ATF6B: variants seen among roughly 807,000 people sequenced by gnomAD.
ATF6B encodes cyclic AMP-dependent transcription factor ATF-6 beta.
In ATF6B, 50 loss-of-function variants were observed where a neutral mutation model predicts 83.5. That is an observed-to-expected ratio of 0.60 (90% CI 0.48 to 0.76). The LOEUF is 0.76. ATF6B is among the 30% of genes least tolerant of loss of function. ATF6B has a pLI of 0.00. For missense variants in ATF6B, 790 were observed against 893.8 expected (o/e 0.88, Z 1.48); for synonymous variants, 344 against 362.8 (o/e 0.95, Z 0.59).
Position 32,115,766 on chromosome 6 carries a change from G to T in ATF6B, c.2085C>A (p.His695Gln). Reference sequence around the variant, plus strand: ...AGGGATGATTGAGGTAGAGGGGCTGGTGGGAGGCCTGGTGGGCCTGGCTGG... The same window carrying T: ...AGGGATGATTGAGGTAGAGGGGCTGTTGGGAGGCCTGGTGGGCCTGGCTGG... ...SAASQAHQAS[H>Q]QPLYLNHP The change falls in exon 18 of 18, where the codon CAC becomes CAA. Residue 695 changes from histidine (H) to glutamine (Q), a missense_variant. Physicochemically the swap from His to Gln is conservative, Grantham distance 24 (BLOSUM62 0). Coordinates refer to ENST00000375203, the MANE Select transcript of ATF6B (RefSeq NM_004381.5). The T allele has an allele frequency of 6.2e-7, 1 of 1,609,056 alleles. No homozygotes were observed. The highest frequency in any genetic ancestry group is 8.5e-7 in the Non-Finnish European group (1 of 1,177,374).
chr6:32,124,908 C>T (rs945121382), intron 5 of ATF6B, among the ~76,000 whole-genome samples: 3 of 151,452 alleles, frequency 2.0e-5, no homozygotes, highest in East Asian at 1.9e-4. Context: ...AGTGCAGTGG[C>T]GTGATCTCGG....
In ATF6B at chr6:32,118,902, T is replaced by A. The variant is rs1424491602; in HGVS notation, c.1153-36A>T. ...AAGAAGGAGACAAGAAAAAGGGGAA[T>A]CATTCCAAGGAGGCTGTATTCCTGT... On this transcript the variant is annotated intron_variant, in intron 10 of 17. Coordinates refer to ENST00000375203, the MANE Select transcript of ATF6B (RefSeq NM_004381.5). The surrounding 1 kb of genome is among the most constrained non-coding windows in gnomAD (Gnocchi z 5.2). 1.2e-6 allele frequency: 2 copies of A among 1,614,006 alleles called. No homozygotes were observed. Among genetic ancestry groups the A allele is most frequent in the Non-Finnish European group, 1.7e-6 (2 of 1,180,016 alleles).
chr6:32,118,702 C>A lies in ATF6B; in HGVS notation c.1244+73G>T. On this transcript the variant is annotated intron_variant, in intron 11 of 17. Coordinates refer to ENST00000375203, the MANE Select transcript of ATF6B (RefSeq NM_004381.5). This position sits in a 1 kb window ranked among gnomAD's most constrained non-coding sequence, Gnocchi z 5.2. ...TATAAGCAGAAGGAAATGGCCTGGG[C>A]CAAAGCAGGCAGCTAGGAGGCTGTA... is the stretch of plus-strand genomic sequence containing the variant. 4 of 1,494,916 alleles carry A rather than the reference C, an allele frequency of 2.7e-6. No homozygotes were observed. The highest frequency in any genetic ancestry group is 2.3e-5 in the East Asian group (1 of 44,190). 92.6% of individuals were successfully genotyped at this position (1,494,916 alleles called of 1,614,324 possible).
rs772938950 is a variant in ATF6B at position 32,117,449 on chromosome 6, T to C, written c.1533-45A>G. The stretch of plus-strand genomic sequence containing the variant: ...CAGGACCTCCATGCCAGGCCAAGAT[T>C]CCCACCCTCCTTGCCCACCCACAGG... On this transcript the variant is annotated intron_variant, in intron 13 of 17. Coordinates refer to ENST00000375203, the MANE Select transcript of ATF6B (RefSeq NM_004381.5). The surrounding 1 kb of genome is among the most constrained non-coding windows in gnomAD (Gnocchi z 5.0). 1 of 1,608,244 alleles carries C rather than the reference T, an allele frequency of 6.2e-7. No homozygotes were observed. The highest frequency in any genetic ancestry group is 1.1e-5 in the South Asian group (1 of 90,496).
At position 32,121,026 on chromosome 6, in the gene ATF6B, G is replaced by C. The variant is rs371984653; in HGVS notation, c.663C>G (p.Val221=). The change falls in exon 7 of 18, where the codon GTC becomes GTG. Residue 221 remains valine, a synonymous_variant. Coordinates refer to ENST00000375203, the MANE Select transcript of ATF6B (RefSeq NM_004381.5). ...CAAGGGATGGGCCCATGCTGATCTG[G>C]ACAGCTCCAAGTGAGGGGGCTGGGA... ...WDVPAPSLGA[V]QISMGPSLDG... 6.5e-7 allele frequency: 1 copy of C among 1,546,410 alleles called. No individual in the cohort carries two copies. The highest frequency in any genetic ancestry group is 1.4e-5 in the African/African-American group (1 of 72,558).
In ATF6B at chr6:32,127,103, C is replaced by T; in HGVS notation, c.342G>A (p.Glu114=). 1 of 1,591,788 alleles carries T rather than the reference C, an allele frequency of 6.3e-7. No individual in the cohort carries two copies. Among genetic ancestry groups the T allele is most frequent in the Non-Finnish European group, 8.6e-7 (1 of 1,168,984 alleles). The part of the protein sequence containing the change: ...SSRLSTEPSS[E]ALGVGEVLHV... ...AGTAAGAGGGATATGGCTCTCTCAC[C>T]TCGCTGGATGGCTCTGTGGAGAGAC... The change falls in exon 4 of 18, where the codon GAG becomes GAA. Residue 114 remains glutamate, a splice_region_variant and synonymous_variant. Transcript: ENST00000375203.
Position 32,128,219 on chromosome 6 carries a change from A to ACCCCCCCC in ATF6B, c.-13_-12insGGGGGGGG. The stretch of plus-strand genomic sequence containing the variant: ...ATCAGCTCCGCCATCTTTCCCCCCC[A>ACCCCCCCC]CCCCCCAACCAGGAGACGGTTCCCA... On this transcript the variant is annotated 5_prime_UTR_variant, in exon 1 of 18. Transcript: ENST00000375203. 2.4e-6 allele frequency: 2 copies of ACCCCCCCC among 845,186 alleles called. No homozygotes were observed. The highest frequency in any genetic ancestry group is 1.7e-5 in the South Asian group (1 of 58,212). 52.4% of individuals were successfully genotyped at this position (845,186 alleles called of 1,614,324 possible).
chr6:32,115,694 C>T lies in ATF6B; in HGVS notation c.*45G>A. 1 of 1,505,022 alleles carries T rather than the reference C, an allele frequency of 6.6e-7. No individual in the cohort carries two copies. The highest frequency in any genetic ancestry group is 9.0e-7 in the Non-Finnish European group (1 of 1,113,770). The allele number at this position is 1,505,022 out of a possible 1,614,324, so 93.2% of individuals were successfully genotyped here. ...ATTTGAAACAGTCCCACCTGGCCAC[C>T]TGGTACCCCCTCCCCCCGTTCTAAG... On this transcript the variant is annotated 3_prime_UTR_variant, in exon 18 of 18. Coordinates refer to ENST00000375203, the MANE Select transcript of ATF6B (RefSeq NM_004381.5).
chr6:32,127,889 C>T (rs2127349938), intron 1 of ATF6B, 139 bp from the exon 2 acceptor site: 2 of 1,049,166 alleles, frequency 1.9e-6, no homozygotes, highest in South Asian at 1.5e-5. Context: ...ACAACCAGGG[C>T]GCTTCAGCCC....
At chr6:32,126,529 C>T (rs1047077138) in intron 4 of ATF6B, among the ~76,000 whole-genome samples, 3 of 152,112 alleles carry the variant, frequency 2.0e-5, no homozygotes, top group African/African-American at 7.2e-5. Context: ...CAGTCAATAA[C>T]TCTCTTCTTC....
rs1481038028 is a variant in ATF6B at position 32,117,398 on chromosome 6, A to G, written c.1539T>C (p.Ala513=). 12 of 1,614,028 alleles carry G rather than the reference A, an allele frequency of 7.4e-6. No homozygotes were observed. Among genetic ancestry groups the G allele is most frequent in the Non-Finnish European group, 1.0e-5 (12 of 1,179,968 alleles). The stretch of plus-strand genomic sequence containing the variant: ...GCTGGACCCAGCCACTCAACTCGTC[A>G]GCAAGCCTGGGGAAATGGAGGAGCT... ...HFNRTESLRL[A]DELSGWVQRH... The change falls in exon 14 of 18, where the codon GCT becomes GCC. Residue 513 remains alanine, a synonymous_variant. Coordinates refer to ENST00000375203, the MANE Select transcript of ATF6B (RefSeq NM_004381.5). The surrounding 1 kb of genome is among the most constrained non-coding windows in gnomAD (Gnocchi z 5.0).
Position 32,118,308 on chromosome 6 carries a change from G to A in ATF6B, c.1245-270C>T, listed in dbSNP as rs1781612911. On this transcript the variant is annotated intron_variant, in intron 11 of 17. Transcript: ENST00000375203. The surrounding 1 kb of genome is among the most constrained non-coding windows in gnomAD (Gnocchi z 5.2). Reference sequence around the variant, plus strand: ...TCTCCACTGGAAAAATAATGGAGCAGGAGGCCGGGCGAGGTGGCTCAAGCC... The same window carrying A: ...TCTCCACTGGAAAAATAATGGAGCAAGAGGCCGGGCGAGGTGGCTCAAGCC... Among the ~76,000 whole-genome samples, 1 of 152,132 alleles carries A rather than the reference G, an allele frequency of 6.6e-6. No homozygotes were observed. The highest frequency in any genetic ancestry group is 6.6e-5 in the Admixed American group (1 of 15,264).
chr6:32,121,435 G>C, intron 5 of ATF6B, 87 bp from the exon 6 acceptor site: 1 of 1,309,926 alleles, frequency 7.6e-7, no homozygotes, highest in Non-Finnish European at 1.1e-6. Flanking sequence ...GGGCATGGTG[G>C]CTCACGCCTG....
intron 4 of ATF6B, among the ~76,000 whole-genome samples, chr6:32,126,694 A>T (rs1326550749): frequency 1.3e-5 from 2 of 152,034 alleles, no homozygotes; most frequent in Non-Finnish European, 2.9e-5. Context: ...CCCCATTTTT[A>T]CAAACAATAA....
rs1177261946 is a variant in ATF6B at position 32,118,002 on chromosome 6, C to T, written c.1281G>A (p.Arg427=). 1 of 1,614,114 alleles carries T rather than the reference C, an allele frequency of 6.2e-7. No homozygotes were observed. The highest frequency in any genetic ancestry group is 8.5e-7 in the Non-Finnish European group (1 of 1,180,014). Residue 427 remains arginine (R), a synonymous_variant, in exon 12 of 18, where the codon CGG becomes CGA. Coordinates refer to ENST00000375203, the MANE Select transcript of ATF6B (RefSeq NM_004381.5). This position sits in a 1 kb window ranked among gnomAD's most constrained non-coding sequence, Gnocchi z 5.2. ...GGGGTTGAGGCTCCCCCTTGTTCAT[C>T]CGAGGAGAGATGGGAGCTGAAGGAG... ...SEPPSAPISP[R]MNKGEPQPRR...
At position 32,117,095 on chromosome 6, in the gene ATF6B, G is replaced by A. The variant is rs372966678; in HGVS notation, c.1627C>T (p.Arg543Trp). The A allele has an allele frequency of 6.0e-5, 97 of 1,614,082 alleles. No homozygotes were observed. The South Asian group carries it at 6.1e-4, about 10-fold the overall frequency. ...RAQERQKSQP[R>W]KKSPPVKAVP... is the part of the protein sequence containing the mutation. ...GCCTTAACTGGAGGTGACTTCTTCCGTGGCTGAGACTTCTGGAAGGAGAAG... is the reference window on the plus strand; with the variant it reads ...GCCTTAACTGGAGGTGACTTCTTCCATGGCTGAGACTTCTGGAAGGAGAAG... Residue 543 changes from arginine (R) to tryptophan (W), a missense_variant, in exon 15 of 18, where the codon CGG becomes TGG. By Grantham distance (101) the Arg-to-Trp change is moderately radical. This residue lies in a region of ATF6B where 530 missense variants were observed against 632.6 expected (regional missense o/e 0.84). Transcript: ENST00000375203. This position sits in a 1 kb window ranked among gnomAD's most constrained non-coding sequence, Gnocchi z 5.0.
intron 2 of ATF6B, 28 bp downstream of exon 2, chr6:32,127,643 G>A (rs768076696): frequency 3.1e-6 from 5 of 1,614,038 alleles, no homozygotes; most frequent in Non-Finnish European, 1.7e-6. Flanking sequence ...ACCCACCAAG[G>A]GTTAGAGAAA....
In ATF6B at chr6:32,120,767, G is replaced by A. The variant is rs1302325681; in HGVS notation, c.832+4C>T. 3 of 1,609,484 alleles carry A rather than the reference G, an allele frequency of 1.9e-6. No individual in the cohort carries two copies. The highest frequency in any genetic ancestry group is 2.2e-5 in the East Asian group (1 of 44,648). On this transcript the variant is annotated splice_donor_region_variant and intron_variant, in intron 8 of 17. Coordinates refer to ENST00000375203, the MANE Select transcript of ATF6B (RefSeq NM_004381.5). ...TGCCCGGCCCTTTTCTCCTTCTTCA[G>A]TACCTGGGGGTGGCTGGACGAGGGA...
Position 32,115,711 on chromosome 6 carries a change from C to A in ATF6B, c.*28G>T, listed in dbSNP as rs199968150. Reference sequence around the variant, plus strand: ...CTGGCCACCTGGTACCCCCTCCCCCCGTTCTAAGTCAGTGTGAATGGCAGA... The same window carrying A: ...CTGGCCACCTGGTACCCCCTCCCCCAGTTCTAAGTCAGTGTGAATGGCAGA... On this transcript the variant is annotated 3_prime_UTR_variant, in exon 18 of 18. Coordinates refer to ENST00000375203, the MANE Select transcript of ATF6B (RefSeq NM_004381.5). The A allele has an allele frequency of 1.5e-5, 23 of 1,531,288 alleles. No individual in the cohort carries two copies. In the Admixed American group the frequency reaches 2.5e-4, roughly 17 times the overall value. 94.9% of individuals were successfully genotyped at this position (1,531,288 alleles called of 1,614,324 possible).
Sources: gnomAD v4.1 joint callset for allele counts (sites outside exome capture counted in the v4.1 genomes callset) on GRCh38, gnomAD v4.1.1 for gene constraint, gnomAD v4.1.1 regional missense constraint, Gnocchi (gnomAD v3.1) non-coding constraint, MANE v1.5 for transcripts, NCBI Gene and HGNC (gene_info 2026-07-23, HGNC 2026-07-21) for gene names.